JAKMIP3: variants seen among roughly 807,000 people sequenced by gnomAD.
JAKMIP3 encodes Janus kinase and microtubule interacting protein 3, also known as janus kinase and microtubule-interacting protein 3.
A neutral mutation model predicts 118.5 loss-of-function variants in JAKMIP3; 58 were observed. That is an observed-to-expected ratio of 0.49 (90% CI 0.40 to 0.61). The LOEUF (loss-of-function observed/expected upper bound fraction) is 0.61. Ranked by LOEUF, JAKMIP3 falls within the 20% of genes least tolerant of loss-of-function variation. JAKMIP3 has a pLI of 0.00. For synonymous variants in JAKMIP3, 486 were observed against 451.2 expected (o/e 1.08, Z -0.98); for missense variants, 950 against 1,109.0 (o/e 0.86, Z 2.04).
At chr10:132,124,287 G>C (rs555742320) in intron 3 of JAKMIP3, among the ~76,000 whole-genome samples, 1 of 150,302 alleles carries the variant, frequency 6.7e-6, no homozygotes, top group Non-Finnish European at 1.5e-5. Context: ...GCGGTCGCCC[G>C]TCCCACCCTG....
chr10:132,043,810 G>A lies in JAKMIP3; in HGVS notation c.-138+7072G>A, dbSNP rs375790115. ...CTCTGCCCCGCCCTGGGCTTCAGGC[G>A]TCGGTGTTAATGATCTCCTGGGTTG... On this transcript the variant is annotated intron_variant, in intron 1 of 23. Transcript: ENST00000657785. 9.6e-4 allele frequency among the ~76,000 whole-genome samples: 146 copies of A among 152,328 alleles called. 1 individual carries two copies. The highest frequency in any genetic ancestry group is 3.3e-3 in the African/African-American group (139 of 41,568).
intron 1 of JAKMIP3, among the ~76,000 whole-genome samples, chr10:132,092,948 G>T (rs2043284059): frequency 6.6e-6 from 1 of 152,124 alleles, no homozygotes; most frequent in Non-Finnish European, 1.5e-5. Context: ...GGGGTTTTTG[G>T]TGTGGATGTC....
intron 1 of JAKMIP3, among the ~76,000 whole-genome samples, chr10:132,094,881 AC>A (rs1254585420): frequency 3.4e-5 from 5 of 148,626 alleles, no homozygotes; most frequent in Admixed American, 2.0e-4. Flanking sequence ...CTGAGCTCAG[AC>A]TCTCTTGGGC....
At chr10:132,041,242 A>G (rs2037736517) in intron 1 of JAKMIP3, among the ~76,000 whole-genome samples, 1 of 152,174 alleles carries the variant, frequency 6.6e-6, no homozygotes, top group South Asian at 2.1e-4. Flanking sequence ...CATTTTCTAT[A>G]AACATTCATC....
intron 9 of JAKMIP3, among the ~76,000 whole-genome samples, chr10:132,139,968 C>T (rs937750659): frequency 1.3e-5 from 2 of 152,150 alleles, no homozygotes; most frequent in Non-Finnish European, 2.9e-5. Flanking sequence ...ATGCAGACGT[C>T]GGGGTGAACC....
chr10:132,168,026 T>C lies in JAKMIP3; in HGVS notation c.*96T>C, dbSNP rs1190316118. ...GACAAAATGGGACGTCGCGTCTCCATCCTGAAGACCCAGGGAGATTTGGTC... is the reference window on the plus strand; with the variant it reads ...GACAAAATGGGACGTCGCGTCTCCACCCTGAAGACCCAGGGAGATTTGGTC... On this transcript the variant is annotated 3_prime_UTR_variant, in exon 23 of 24. Coordinates refer to ENST00000684848, the MANE Select transcript of JAKMIP3 (RefSeq NM_001323087.2). The C allele has an allele frequency of 7.8e-7, 1 of 1,289,518 alleles. No homozygotes were observed. Among genetic ancestry groups the C allele is most frequent in the South Asian group, 1.2e-5 (1 of 81,014 alleles). 79.9% of individuals were successfully genotyped at this position (1,289,518 alleles called of 1,614,324 possible).
At chr10:132,110,199 C>G (rs2046644444) in intron 2 of JAKMIP3, among the ~76,000 whole-genome samples, 1 of 152,236 alleles carries the variant, frequency 6.6e-6, no homozygotes, top group African/African-American at 2.4e-5. Flanking sequence ...GACAGGCAGC[C>G]CCCAAGCCAT....
At chr10:132,114,252 G>A (rs1819744591) in intron 2 of JAKMIP3, among the ~76,000 whole-genome samples, 1 of 152,232 alleles carries the variant, frequency 6.6e-6, no homozygotes, top group East Asian at 1.9e-4. Context: ...GTCTCATTCT[G>A]TCACCCAGGC....
chr10:132,141,164 A>G (rs1293162400), intron 10 of JAKMIP3, among the ~76,000 whole-genome samples: 15 of 152,182 alleles, frequency 9.9e-5, no homozygotes, highest in Non-Finnish European at 2.1e-4. Flanking sequence ...TCTGCAGTCA[A>G]TGGCACAGCC....
intron 3 of JAKMIP3, among the ~76,000 whole-genome samples, chr10:132,120,775 C>T (rs529548764): frequency 2.6e-4 from 39 of 152,324 alleles, no homozygotes; most frequent in Non-Finnish European, 1.3e-4. Flanking sequence ...CTCAGATCTT[C>T]TCTTTTAAGG....
At chr10:132,107,213 A>G (rs1384854024) in intron 2 of JAKMIP3, among the ~76,000 whole-genome samples, 2 of 152,208 alleles carry the variant, frequency 1.3e-5, no homozygotes, top group African/African-American at 2.4e-5. Flanking sequence ...TCTTCTTAAC[A>G]AAAACACCAC....
At chr10:132,180,528 T>TGC (rs1258631099) in intron 23 of JAKMIP3, among the ~76,000 whole-genome samples, 2 of 35,506 alleles carry the variant, frequency 5.6e-5, no homozygotes, top group African/African-American at 3.6e-4. Flanking sequence ...CAGAACTGTG[T>TGC]GTGTGTGTGT....
chr10:132,138,098 C>T (rs757433359), intron 8 of JAKMIP3, 21 bp from the exon 9 acceptor site: 2 of 1,608,870 alleles, frequency 1.2e-6, no homozygotes, highest in South Asian at 2.2e-5. Flanking sequence ...CTTACACAAC[C>T]TCTTCAACTG....
chr10:132,169,677 G>C (rs116975613), intron 23 of JAKMIP3, among the ~76,000 whole-genome samples: 1 of 152,136 alleles, frequency 6.6e-6, no homozygotes, highest in East Asian at 1.9e-4. Context: ...CCCCACCTCC[G>C]ACCCACACCG....
chr10:132,096,731 C>A (rs1002947174), intron 1 of JAKMIP3, among the ~76,000 whole-genome samples: 4 of 152,098 alleles, frequency 2.6e-5, no homozygotes, highest in Non-Finnish European at 5.9e-5. Flanking sequence ...AATCAAAACC[C>A]TGGACATGAA....
rs115202669 is a variant in JAKMIP3, at chr10:132,048,667, C to T, written c.-138+11929C>T. Among the ~76,000 whole-genome samples, 962 of 129,682 alleles carry T rather than the reference C, an allele frequency of 7.4e-3. 6 individuals carry two copies. The highest frequency in any genetic ancestry group is 0.015 in the Admixed American group (183 of 12,114). The allele number at this position is 129,682 out of a possible 152,430, so 85.1% of individuals were successfully genotyped here. On this transcript the variant is annotated intron_variant, in intron 1 of 23. Transcript: ENST00000657785. ...AATTCCAGGCTTGACTGTTTCTTTT[C>T]TTTTTTTTTTTTTTTGAGATGGAGT...
At chr10:132,164,503 C>T (rs1019264155) in intron 20 of JAKMIP3, among the ~76,000 whole-genome samples, 167 bp from the exon 21 acceptor site, 1 of 152,252 alleles carries the variant, frequency 6.6e-6, no homozygotes, top group Admixed American at 6.5e-5. Context: ...CACTCTCCTG[C>T]CAGAGCAGTG....
chr10:132,049,878 T>G lies in JAKMIP3; in HGVS notation c.-138+13140T>G, dbSNP rs2038049921. Among the ~76,000 whole-genome samples the G allele has an allele frequency of 6.6e-6, 1 of 152,242 alleles. No individual in the cohort carries two copies. The highest frequency in any genetic ancestry group is 2.4e-5 in the African/African-American group (1 of 41,460). On this transcript the variant is annotated intron_variant, in intron 1 of 23. Coordinates refer to the JAKMIP3 transcript ENST00000657785. The surrounding 1 kb of genome is among the most constrained non-coding windows in gnomAD (Gnocchi z 4.3). ...GTGACGTTTTTGTTTTGGCTATTTT[T>G]GATATTGGGATATTTTACAAGGTTC... is the stretch of plus-strand genomic sequence containing the variant.
intron 3 of JAKMIP3, among the ~76,000 whole-genome samples, chr10:132,122,271 C>T (rs1011747245): frequency 4.6e-5 from 7 of 152,006 alleles, no homozygotes; most frequent in East Asian, 3.9e-4. Context: ...GTCGGCTCCC[C>T]GGCTGTTGGG....
Sources: gnomAD v4.1 joint callset for allele counts (sites outside exome capture counted in the v4.1 genomes callset) on GRCh38, gnomAD v4.1.1 for gene constraint, Gnocchi (gnomAD v3.1) non-coding constraint, MANE v1.5 for transcripts, NCBI Gene and HGNC (gene_info 2026-07-23, HGNC 2026-07-21) for gene names.